Variants in HHLA1 observed in about 807,000 individuals in gnomAD.
HHLA1 encodes HHLA1 neighbor of OC90, also known as HERV-H LTR-associating protein 1.
Under a neutral mutation model 69.9 loss-of-function variants are expected in HHLA1, and 72 were observed. The observed-to-expected ratio is 1.03, with a 90% CI of 0.85 to 1.25. HHLA1 has a LOEUF of 1.25. HHLA1 is among the 50% of genes most tolerant of loss of function. The pLI is 0.00. For synonymous variants in HHLA1, 252 were observed against 233.2 expected (o/e 1.08, Z -0.73); for missense variants, 685 against 642.2 (o/e 1.07, Z -0.72).
intron 14 of HHLA1, among the ~76,000 whole-genome samples, chr8:132,072,699 C>A (rs79616293): frequency 5.8e-4 from 89 of 152,276 alleles, no homozygotes; most frequent in African/African-American, 2.1e-3. Flanking sequence ...TATTGTCTAG[C>A]AGACTCTCTG....
chr8:132,110,718 T>G (rs569698146), intron 1 of HHLA1, among the ~76,000 whole-genome samples: 1 of 152,336 alleles, frequency 6.6e-6, no homozygotes, highest in Admixed American at 6.5e-5. Flanking sequence ...ATATAACTTT[T>G]TAGCTGTTGC....
chr8:132,083,975 T>A (rs1405622355), intron 10 of HHLA1, among the ~76,000 whole-genome samples: 1 of 151,146 alleles, frequency 6.6e-6, no homozygotes, highest in East Asian at 2.0e-4. Flanking sequence ...CCTTTTGACC[T>A]TTTAGGGTCT....
At chr8:132,079,071 T>G (rs1474958154) in intron 11 of HHLA1, among the ~76,000 whole-genome samples, 2 of 152,250 alleles carry the variant, frequency 1.3e-5, no homozygotes, top group Non-Finnish European at 2.9e-5. Flanking sequence ...CCTAATGAGC[T>G]ACCTCCATTT....
chr8:132,090,058 A>G (rs1295454133), intron 7 of HHLA1, among the ~76,000 whole-genome samples: 1 of 152,258 alleles, frequency 6.6e-6, no homozygotes, highest in African/African-American at 2.4e-5. Flanking sequence ...GTTATAAACT[A>G]TGAACAATAG....
intron 12 of HHLA1, among the ~76,000 whole-genome samples, chr8:132,077,284 G>A (rs572212413): frequency 6.6e-6 from 1 of 152,132 alleles, no homozygotes; most frequent in East Asian, 1.9e-4. Flanking sequence ...GGCACACAAA[G>A]TGCATACATA....
chr8:132,085,449 G>A, intron 10 of HHLA1: 1 of 397,336 alleles, frequency 2.5e-6, no homozygotes, highest in African/African-American at 2.2e-5. Context: ...GTCTGTCTGA[G>A]GACCTGAGGT....
rs1461249333 is a variant in HHLA1, at chr8:132,105,256, A to C, written c.10T>G (p.Phe4Val). Residue 4 changes from phenylalanine (F) to valine (V), a missense_variant, in exon 2 of 17, where the codon TTC (phenylalanine) becomes GTC (valine). Coordinates refer to ENST00000414222, the MANE Select transcript of HHLA1 (RefSeq NM_001145095.3). The stretch of plus-strand genomic sequence containing the variant: ...TTCATTGAAGGACCACGTGACAGGA[A>C]GCCCAGCATGCTTGTGATACTCTGG... The part of the protein sequence containing the change: MLG[F>V]LSRGPSMKLC... The C allele has an allele frequency of 2.6e-6, 4 of 1,552,038 alleles. No individual in the cohort carries two copies. The East Asian group carries it at 7.3e-5, about 28-fold the overall frequency.
intron 10 of HHLA1, 63 bp from the exon 11 acceptor site, chr8:132,080,029 A>G (rs1449707847): frequency 6.5e-7 from 1 of 1,538,880 alleles, no homozygotes; most frequent in Non-Finnish European, 8.8e-7. Context: ...AAAAAACTGA[A>G]AGGTCACTGG....
intron 15 of HHLA1, among the ~76,000 whole-genome samples, chr8:132,070,770 A>G (rs1213497366): frequency 6.6e-6 from 1 of 151,466 alleles, no homozygotes; most frequent in African/African-American, 2.4e-5. Flanking sequence ...ACTCATCTCA[A>G]CTCATCACTA....
chr8:132,064,871 A>G (rs1823408254), intron 16 of HHLA1, among the ~76,000 whole-genome samples: 3 of 152,202 alleles, frequency 2.0e-5, no homozygotes, highest in African/African-American at 7.2e-5. Context: ...CCCAGCTGGT[A>G]TTCTTCAGGA....
intron 15 of HHLA1, among the ~76,000 whole-genome samples, chr8:132,066,414 G>A (rs923824721): frequency 2.6e-5 from 4 of 152,200 alleles, no homozygotes; most frequent in African/African-American, 9.7e-5. Context: ...TTTAGTGGGA[G>A]ATGAGAGAGA....
At chr8:132,076,224 A>C in intron 13 of HHLA1, 95 bp from the exon 14 acceptor site, 1 of 938,856 alleles carries the variant, frequency 1.1e-6, no homozygotes, top group South Asian at 1.5e-5. Context: ...AAGGTAAATC[A>C]TTCTTGAAAT....
Position 132,063,768 on chromosome 8 carries a change from A to G in HHLA1, c.*227T>C, listed in dbSNP as rs1934437591. ...CAGGCAAGGAGTCTGGCATTACTGT[A>G]TTAATTGTGAGGCCTCTAACAAGAA... On this transcript the variant is annotated 3_prime_UTR_variant, in exon 17 of 17. Coordinates refer to ENST00000414222, the MANE Select transcript of HHLA1 (RefSeq NM_001145095.3). The G allele has an allele frequency of 4.5e-6, 1 of 221,842 alleles. No individual in the cohort carries two copies. The highest frequency in any genetic ancestry group is 6.5e-5 in the South Asian group (1 of 15,386). The allele number at this position is 221,842 out of a possible 1,614,324, so 13.7% of individuals were successfully genotyped here.
chr8:132,071,328 G>C lies in HHLA1; in HGVS notation c.1469+12C>G. On this transcript the variant is annotated intron_variant, in intron 15 of 16. Transcript: ENST00000414222. ...ATATTCCATGTGAAAAGAAGCCACT[G>C]GGCCAAGTTACCTCATGTCCTCTGT... 3 of 1,547,302 alleles carry C rather than the reference G, an allele frequency of 1.9e-6. No homozygotes were observed. The highest frequency in any genetic ancestry group is 2.6e-6 in the Non-Finnish European group (3 of 1,145,394).
At position 132,065,442 on chromosome 8, in the gene HHLA1, T is replaced by C. The variant is rs140145627; in HGVS notation, c.1552+444A>G. ...GACTACAGGCATCCACCACCACGCCTGGCTAGTTTTTTTGTGTTTTTAGTA... is the reference window on the plus strand; with the variant it reads ...GACTACAGGCATCCACCACCACGCCCGGCTAGTTTTTTTGTGTTTTTAGTA... On this transcript the variant is annotated intron_variant, in intron 16 of 16. Transcript: ENST00000414222. Among the ~76,000 whole-genome samples, 664 of 152,244 alleles carry C rather than the reference T, an allele frequency of 4.4e-3. 5 individuals are homozygous for C. Among genetic ancestry groups the C allele is most frequent in the East Asian group, 0.031 (158 of 5,166 alleles).
chr8:132,069,469 A>G (rs1018019242), intron 15 of HHLA1, among the ~76,000 whole-genome samples: 2 of 152,138 alleles, frequency 1.3e-5, no homozygotes, highest in African/African-American at 4.8e-5. Flanking sequence ...TCAGTGTATG[A>G]GTTTATGGAA....
At chr8:132,073,130 G>A (rs892240462) in intron 14 of HHLA1, among the ~76,000 whole-genome samples, 4 of 152,052 alleles carry the variant, frequency 2.6e-5, no homozygotes, top group African/African-American at 9.7e-5. Flanking sequence ...TAATTTAGCA[G>A]TAATTACTTA....
intron 16 of HHLA1, 139 bp downstream of exon 16, chr8:132,065,747 G>C (rs1275910592): frequency 2.6e-6 from 1 of 386,150 alleles, no homozygotes; most frequent in Non-Finnish European, 5.1e-6. Flanking sequence ...AAAAATCCTA[G>C]GTGCTCTTTG....
chr8:132,077,464 GA>G, intron 12 of HHLA1, among the ~76,000 whole-genome samples: 1 of 152,028 alleles, frequency 6.6e-6, no homozygotes, highest in Non-Finnish European at 1.5e-5. Flanking sequence ...ATGAAACAGG[GA>G]AAAAGAGAAG....
Sources: allele counts gnomAD v4.1 joint callset (sites outside exome capture counted in the v4.1 genomes callset), GRCh38; gene constraint gnomAD v4.1.1; transcripts MANE v1.5; gene names NCBI Gene and HGNC (gene_info 2026-07-23, HGNC 2026-07-21).